Variants in OSBPL3 observed in about 807,000 individuals in gnomAD.
OSBPL3 encodes oxysterol-binding protein-related protein 3.
OSBPL3 carries 65 observed loss-of-function variants against 120.1 expected under a neutral mutation model. The ratio of observed to expected loss-of-function variants is 0.54; its 90% CI spans 0.44 to 0.67. OSBPL3 has a LOEUF of 0.67. Among genes scored for constraint, OSBPL3 ranks in the 30% least tolerant of loss-of-function variants. The probability of loss-of-function intolerance (pLI) is 0.00; values close to 1 mark genes in which losing one functional copy is unlikely to be tolerated. For missense variants in OSBPL3, 1,004 were observed against 1,082.1 expected (o/e 0.93, Z 1.01); for synonymous variants, 416 against 402.6 (o/e 1.03, Z -0.40).
chr7:24,852,375 G>T lies in OSBPL3; in HGVS notation c.1158+129C>A. On this transcript the variant is annotated intron_variant, in intron 11 of 22. Coordinates refer to ENST00000313367, the MANE Select transcript of OSBPL3 (RefSeq NM_015550.4). The surrounding 1 kb of genome is among the most constrained non-coding windows in gnomAD (Gnocchi z 4.1). ...TTTCAAATAAGCAGATTTGATGAAA[G>T]GTTAGAATATAATTTGGATAATTTG... The T allele has an allele frequency of 1.4e-6, 1 of 727,194 alleles. No individual in the cohort carries two copies. Among genetic ancestry groups the T allele is most frequent in the Non-Finnish European group, 2.0e-6 (1 of 493,854 alleles). The allele number at this position is 727,194 out of a possible 1,614,324, so 45.0% of individuals were successfully genotyped here.
intron 10 of OSBPL3, among the ~76,000 whole-genome samples, chr7:24,853,407 A>G (rs1450845992): frequency 6.6e-6 from 1 of 152,226 alleles, no homozygotes; most frequent in African/African-American, 2.4e-5. Flanking sequence ...CCCCAGAATG[A>G]GAAACATTTT....
At chr7:24,811,660 C>A (rs916317387) in intron 19 of OSBPL3, among the ~76,000 whole-genome samples, 9 of 152,150 alleles carry the variant, frequency 5.9e-5, no homozygotes, top group African/African-American at 1.9e-4. Flanking sequence ...AGTCTTTAGT[C>A]CTTTTGAGCT....
intron 1 of OSBPL3, among the ~76,000 whole-genome samples, chr7:24,948,732 C>T (rs942054277): frequency 9.9e-5 from 15 of 152,164 alleles, no homozygotes; most frequent in African/African-American, 3.4e-4. Context: ...TCTCACTAAG[C>T]CCTCTGTCAT....
intron 1 of OSBPL3, among the ~76,000 whole-genome samples, chr7:24,928,140 AACCATGTGTCCTGT>A (rs1811296503): frequency 1.3e-5 from 2 of 151,454 alleles, no homozygotes; most frequent in African/African-American, 4.9e-5. Flanking sequence ...AGGCCTCCCG[AACCATGTGTCCTGT>A]ACAGCCTGAG....
Position 24,846,698 on chromosome 7 carries a change from T to G in OSBPL3, c.1266+2371A>C, listed in dbSNP as rs1798486630. 2.0e-5 allele frequency among the ~76,000 whole-genome samples: 3 copies of G among 152,258 alleles called. No individual in the cohort carries two copies. The East Asian group carries it at 5.8e-4, about 29-fold the overall frequency. On this transcript the variant is annotated intron_variant, in intron 12 of 22. Coordinates refer to ENST00000313367, the MANE Select transcript of OSBPL3 (RefSeq NM_015550.4). ...AGGCTGTGGGGGTAATTTCTGATAT[T>G]AAAAAAGGTGGGCATTTTAGAATTC...
intron 14 of OSBPL3, among the ~76,000 whole-genome samples, chr7:24,836,527 A>C (rs895492651): frequency 6.6e-6 from 1 of 152,184 alleles, no homozygotes; most frequent in African/African-American, 2.4e-5. Context: ...TATTTTGATG[A>C]ATGAAACATA....
chr7:24,840,619 G>C, intron 14 of OSBPL3, 71 bp downstream of exon 14: 2 of 630,570 alleles, frequency 3.2e-6, no homozygotes, highest in South Asian at 4.4e-5. Flanking sequence ...TTGTTCAAGA[G>C]TCAACTATAC....
intron 2 of OSBPL3, among the ~76,000 whole-genome samples, chr7:24,890,920 G>A (rs185018527): frequency 9.1e-4 from 139 of 152,278 alleles, no homozygotes; most frequent in African/African-American, 3.2e-3. Flanking sequence ...TATTTGATCT[G>A]AGAATTTCAT....
rs1816677611 is a variant in OSBPL3 at position 24,968,779 on chromosome 7, A to G, written c.-150+11107T>C. ...ATGCATACTTTCATATAAAATATATATTATATATGGATATTCTATACTTCA... is the reference window on the plus strand; with the variant it reads ...ATGCATACTTTCATATAAAATATATGTTATATATGGATATTCTATACTTCA... On this transcript the variant is annotated intron_variant, in intron 1 of 22. Coordinates refer to ENST00000313367, the MANE Select transcript of OSBPL3 (RefSeq NM_015550.4). The surrounding 1 kb of genome is among the most constrained non-coding windows in gnomAD (Gnocchi z 4.6). Among the ~76,000 whole-genome samples, 2 of 152,290 alleles carry G rather than the reference A, an allele frequency of 1.3e-5. No homozygotes were observed. The highest frequency in any genetic ancestry group is 1.9e-4 in the East Asian group (1 of 5,186).
At chr7:24,934,473 T>A (rs1812152004) in intron 1 of OSBPL3, among the ~76,000 whole-genome samples, 1 of 152,180 alleles carries the variant, frequency 6.6e-6, no homozygotes, top group African/African-American at 2.4e-5. Context: ...AACCCTCATA[T>A]ACTGCATGTG....
chr7:24,856,978 A>G (rs958437467), intron 10 of OSBPL3, among the ~76,000 whole-genome samples: 2 of 152,212 alleles, frequency 1.3e-5, no homozygotes, highest in Non-Finnish European at 2.9e-5. Context: ...CTAATTGCTC[A>G]GCACATTTAT....
rs55965716 is a variant in OSBPL3 at position 24,867,697 on chromosome 7, G to T, written c.382-1460C>A. Among the ~76,000 whole-genome samples the T allele has an allele frequency of 0.22, 33,943 of 151,970 alleles. 3,890 individuals are homozygous for T. Among genetic ancestry groups the T allele is most frequent in the Non-Finnish European group, 0.25 (16,764 of 67,964 alleles). On this transcript the variant is annotated intron_variant, in intron 5 of 22. Coordinates refer to ENST00000313367, the MANE Select transcript of OSBPL3 (RefSeq NM_015550.4). The surrounding 1 kb of genome is among the most constrained non-coding windows in gnomAD (Gnocchi z 4.5). ...ATTAAACCTCTTTCTTTTGTAAATT[G>T]CCCAGTCTCGGGTATGTCTTTATCA...
Position 24,815,996 on chromosome 7 carries a change from T to C in OSBPL3, c.2027+614A>G, listed in dbSNP as rs1794418686. 6.6e-6 allele frequency among the ~76,000 whole-genome samples: 1 copy of C among 152,206 alleles called. No individual in the cohort carries two copies. The highest frequency in any genetic ancestry group is 2.1e-4 in the South Asian group (1 of 4,834). On this transcript the variant is annotated intron_variant, in intron 18 of 22. Coordinates refer to ENST00000313367, the MANE Select transcript of OSBPL3 (RefSeq NM_015550.4). This position sits in a 1 kb window ranked among gnomAD's most constrained non-coding sequence, Gnocchi z 5.1. The stretch of plus-strand genomic sequence containing the variant: ...ATACTTTTCTTAAAAGGGATTTTGA[T>C]AGCAAAGCAGCATAATAAAGGAAAA...
intron 1 of OSBPL3, among the ~76,000 whole-genome samples, chr7:24,902,909 G>T (rs535584275): frequency 2.0e-4 from 30 of 152,046 alleles, no homozygotes; most frequent in Admixed American, 3.9e-4. Context: ...TCTGTGCTTG[G>T]CTTCCCTCTA....
chr7:24,845,610 C>G (rs1798351441), intron 12 of OSBPL3, among the ~76,000 whole-genome samples: 1 of 135,928 alleles, frequency 7.4e-6, no homozygotes, highest in East Asian at 2.0e-4. Flanking sequence ...AATATTTTTC[C>G]CAGTCTATTA....
intron 16 of OSBPL3, among the ~76,000 whole-genome samples, chr7:24,825,326 G>A (rs1795580765): frequency 6.6e-6 from 1 of 152,212 alleles, no homozygotes; most frequent in Non-Finnish European, 1.5e-5. Flanking sequence ...AGGATTTGCT[G>A]ATGAGAGGAT....
chr7:24,979,619 C>T (rs1318017416), intron 1 of OSBPL3, among the ~76,000 whole-genome samples: 5 of 152,108 alleles, frequency 3.3e-5, no homozygotes, highest in African/African-American at 1.2e-4. Context: ...TCGGCTCCTC[C>T]TGGCGGTCAA....
upstream of OSBPL3, among the ~76,000 whole-genome samples, chr7:24,981,813 A>G (rs1268305081): frequency 6.6e-6 from 1 of 152,206 alleles, no homozygotes; most frequent in Non-Finnish European, 1.5e-5. This position sits in a 1 kb window ranked among gnomAD's most constrained non-coding sequence, Gnocchi z 7.3. Flanking sequence ...GACCAGCGCC[A>G]GGTGGCTGGA....
Position 24,958,940 on chromosome 7 carries a change from C to A in OSBPL3, c.-150+20946G>T, listed in dbSNP as rs375644336. 7.4e-4 allele frequency among the ~76,000 whole-genome samples: 112 copies of A among 152,210 alleles called. 4 individuals carry two copies. The highest frequency in any genetic ancestry group is 1.9e-3 in the African/African-American group (79 of 41,548). ...TTTTTGTTTAATGTTTGTTTTAACACTGAAATTCTGGCTGGGACTTGAATG... is the reference window on the plus strand; with the variant it reads ...TTTTTGTTTAATGTTTGTTTTAACAATGAAATTCTGGCTGGGACTTGAATG... On this transcript the variant is annotated intron_variant, in intron 1 of 22. Coordinates refer to ENST00000313367, the MANE Select transcript of OSBPL3 (RefSeq NM_015550.4).
Sources: allele counts gnomAD v4.1 joint callset (sites outside exome capture counted in the v4.1 genomes callset), GRCh38; gene constraint gnomAD v4.1.1; non-coding constraint Gnocchi (gnomAD v3.1); transcripts MANE v1.5; gene names NCBI Gene and HGNC (gene_info 2026-07-23, HGNC 2026-07-21).